Variants in ARMC9 observed in about 807,000 individuals in gnomAD.
The protein encoded by ARMC9 is lisH domain-containing protein ARMC9.
Under a neutral mutation model 107.0 loss-of-function variants are expected in ARMC9, and 94 were observed. The observed-to-expected ratio is 0.88, with a 90% CI of 0.74 to 1.04. ARMC9 has a LOEUF of 1.04. Ranked by LOEUF, ARMC9 falls within the 50% of genes least tolerant of loss-of-function variation. The pLI, the probability that ARMC9 is intolerant of heterozygous loss-of-function variation, is 0.00. For synonymous variants in ARMC9, 380 were observed against 396.9 expected (o/e 0.96, Z 0.51); for missense variants, 942 against 1,030.1 (o/e 0.91, Z 1.17).
chr2:231,238,041 G>T (rs7569597), intron 8 of ARMC9, among the ~76,000 whole-genome samples: 1 of 151,438 alleles, frequency 6.6e-6, no homozygotes, highest in African/African-American at 2.4e-5. Context: ...CTCACTGGTT[G>T]TGAGCTTTGC....
At chr2:231,219,155 G>A (rs79514627) in intron 5 of ARMC9, among the ~76,000 whole-genome samples, 1 of 135,200 alleles carries the variant, frequency 7.4e-6, no homozygotes, top group Non-Finnish European at 1.6e-5. Context: ...TTTTTTTTTT[G>A]TCAAGTATCT....
intron 19 of ARMC9, among the ~76,000 whole-genome samples, chr2:231,319,189 GC>G (rs1403643208): frequency 3.5e-4 from 53 of 152,324 alleles, no homozygotes; most frequent in African/African-American, 1.3e-3. Flanking sequence ...AAATAAAACT[GC>G]CTGAGTGAGG....
At position 231,360,622 on chromosome 2, in the gene ARMC9, A is replaced by G; in HGVS notation, c.2132-132A>G. On this transcript the variant is annotated intron_variant, in intron 22 of 24. Transcript: ENST00000611582. The surrounding 1 kb of genome is among the most constrained non-coding windows in gnomAD (Gnocchi z 4.7). Reference sequence around the variant, plus strand: ...CGAGTAAACAAGTATCCCAAGCCACAGGCGCCAGGGAGCCCGCAGGGCCTG... The same window carrying G: ...CGAGTAAACAAGTATCCCAAGCCACGGGCGCCAGGGAGCCCGCAGGGCCTG... 1 of 1,392,630 alleles carries G rather than the reference A, an allele frequency of 7.2e-7. No individual in the cohort carries two copies. Among genetic ancestry groups the G allele is most frequent in the East Asian group, 2.5e-5 (1 of 40,138 alleles). The allele number at this position is 1,392,630 out of a possible 1,614,324, so 86.3% of individuals were successfully genotyped here.
chr2:231,335,758 A>G (rs16827951), intron 20 of ARMC9, among the ~76,000 whole-genome samples: 10,143 of 152,140 alleles, frequency 0.067, 552 homozygotes, highest in African/African-American at 0.15. Context: ...AATTTTTAGT[A>G]CCGTGCATAC....
chr2:231,345,760 C>A (rs1036130105), intron 21 of ARMC9, among the ~76,000 whole-genome samples: 4 of 152,168 alleles, frequency 2.6e-5, no homozygotes, highest in African/African-American at 9.7e-5. Context: ...AGAGAGCAGG[C>A]TAAAAACCTC....
intron 20 of ARMC9, among the ~76,000 whole-genome samples, chr2:231,332,542 T>C (rs2043811163): frequency 6.6e-6 from 1 of 152,190 alleles, no homozygotes; most frequent in Non-Finnish European, 1.5e-5. Context: ...GTCCTTAAGC[T>C]GACCTGTGAG....
intron 19 of ARMC9, among the ~76,000 whole-genome samples, chr2:231,306,845 C>A (rs773115373): frequency 1.3e-5 from 2 of 152,136 alleles, no homozygotes; most frequent in Non-Finnish European, 2.9e-5. Flanking sequence ...GAGTCTTGAA[C>A]AACAGGGGAA....
chr2:231,252,858 T>C (rs1247738905), intron 9 of ARMC9, among the ~76,000 whole-genome samples: 1 of 151,134 alleles, frequency 6.6e-6, no homozygotes, highest in Non-Finnish European at 1.5e-5. Context: ...CTGGCTGGTC[T>C]CAAACTCCTG....
chr2:231,200,279 C>T (rs543796012), intron 1 of ARMC9, among the ~76,000 whole-genome samples: 4 of 152,286 alleles, frequency 2.6e-5, no homozygotes, highest in East Asian at 1.9e-4. Flanking sequence ...CCCTCAGCTC[C>T]GGCTTCATTT....
intron 23 of ARMC9, among the ~76,000 whole-genome samples, chr2:231,361,103 G>A (rs981108685): frequency 6.6e-5 from 10 of 152,206 alleles, no homozygotes; most frequent in African/African-American, 2.2e-4. Context: ...CAGTCAGACG[G>A]GAAGGACACA....
In ARMC9 at chr2:231,256,639, G is replaced by A; in HGVS notation, c.914+19G>A. The A allele has an allele frequency of 6.2e-7, 1 of 1,611,378 alleles. No individual in the cohort carries two copies. Among genetic ancestry groups the A allele is most frequent in the Admixed American group, 1.7e-5 (1 of 60,008 alleles). ...CACCCGTGTAAGTAACTGCTCTTAG[G>A]AATTTTTATTAAGGAGAACAGCAAT... On this transcript the variant is annotated intron_variant, in intron 10 of 24. Transcript: ENST00000611582.
intron 6 of ARMC9, among the ~76,000 whole-genome samples, chr2:231,225,844 A>G (rs2034589438): frequency 6.6e-6 from 1 of 152,242 alleles, no homozygotes; most frequent in South Asian, 2.1e-4. Flanking sequence ...ATTGAAATGT[A>G]CACATTGATT....
intron 17 of ARMC9, among the ~76,000 whole-genome samples, chr2:231,283,046 C>T (rs1216265457): frequency 6.6e-6 from 1 of 151,974 alleles, no homozygotes; most frequent in Non-Finnish European, 1.5e-5. Flanking sequence ...AGGAAAGGCA[C>T]CAGGGCAAAG....
rs780933886 is a variant in ARMC9 at position 231,291,458 on chromosome 2, A to C, written c.1717+15A>C. 4 of 1,604,398 alleles carry C rather than the reference A, an allele frequency of 2.5e-6. No homozygotes were observed. The highest frequency in any genetic ancestry group is 3.4e-6 in the Non-Finnish European group (4 of 1,172,540). On this transcript the variant is annotated intron_variant, in intron 18 of 24. Transcript: ENST00000611582. Reference sequence around the variant, plus strand: ...GCTAAATTCCGGTCAGTTTGATGCAAGAATCTTTGATCTATCTTTTGAATT... The same window carrying C: ...GCTAAATTCCGGTCAGTTTGATGCACGAATCTTTGATCTATCTTTTGAATT...
At chr2:231,232,069 A>T (rs559266451) in intron 7 of ARMC9, among the ~76,000 whole-genome samples, 1 of 132,828 alleles carries the variant, frequency 7.5e-6, no homozygotes, top group African/African-American at 2.9e-5. Context: ...CTCTGTCACC[A>T]GGCTGGAGTG....
At chr2:231,284,144 T>C (rs1211732770) in intron 17 of ARMC9, among the ~76,000 whole-genome samples, 1 of 152,208 alleles carries the variant, frequency 6.6e-6, no homozygotes, top group Non-Finnish European at 1.5e-5. Flanking sequence ...TACCTATGTT[T>C]AGAGATGCTT....
At chr2:231,214,448 C>T in intron 3 of ARMC9, among the ~76,000 whole-genome samples, 1 of 152,298 alleles carries the variant, frequency 6.6e-6, no homozygotes, top group South Asian at 2.1e-4. Flanking sequence ...TCCTGGGAGG[C>T]CTGGCTAGAC....
intron 19 of ARMC9, among the ~76,000 whole-genome samples, chr2:231,304,263 TCTTA>T (rs1169771248): frequency 1.3e-5 from 2 of 152,226 alleles, no homozygotes; most frequent in Admixed American, 6.5e-5. Flanking sequence ...ATATTGCTTT[TCTTA>T]CTTCCCAATT....
intron 22 of ARMC9, among the ~76,000 whole-genome samples, chr2:231,357,017 A>G (rs972959945): frequency 5.3e-5 from 8 of 151,768 alleles, no homozygotes; most frequent in African/African-American, 1.9e-4. Context: ...TTATTTTTGC[A>G]CTGATTGGAC....
Sources: gnomAD v4.1 joint callset for allele counts (sites outside exome capture counted in the v4.1 genomes callset) on GRCh38, gnomAD v4.1.1 for gene constraint, Gnocchi (gnomAD v3.1) non-coding constraint, MANE v1.5 for transcripts, NCBI Gene and HGNC (gene_info 2026-07-23, HGNC 2026-07-21) for gene names.